Variants in DNTT observed in about 807,000 individuals in gnomAD.
The protein encoded by DNTT is DNA nucleotidylexotransferase.
A neutral mutation model predicts 60.9 loss-of-function variants in DNTT; 47 were observed. The ratio of observed to expected loss-of-function variants is 0.77; its 90% CI spans 0.61 to 0.98. The LOEUF (loss-of-function observed/expected upper bound fraction) is 0.98, where lower values mean the gene tolerates loss of function less well. Among genes scored for constraint, DNTT ranks in the 50% least tolerant of loss-of-function variants. DNTT has a pLI of 0.00. For missense variants in DNTT, 665 were observed against 627.5 expected, an observed-to-expected ratio of 1.06 and a Z score of -0.64; for synonymous variants, 224 against 221.2, an observed-to-expected ratio of 1.01 and a Z score of -0.11.
chr10:96,319,467 T>A (rs1844838286), intron 3 of DNTT, 77 bp downstream of exon 3: 1 of 1,584,776 alleles, frequency 6.3e-7, no homozygotes, highest in Non-Finnish European at 8.6e-7. Context: ...AATTAAATTA[T>A]AAATTTTTCT....
intron 8 of DNTT, among the ~76,000 whole-genome samples, chr10:96,329,695 T>C (rs1844983165): frequency 6.6e-6 from 1 of 152,060 alleles, no homozygotes; most frequent in Non-Finnish European, 1.5e-5. Context: ...TAGAACCAGA[T>C]CCAAACTGAC....
At chr10:96,337,315 C>T (rs1030747386) in intron 10 of DNTT, among the ~76,000 whole-genome samples, 1 of 152,186 alleles carries the variant, frequency 6.6e-6, no homozygotes, top group Admixed American at 6.5e-5. Context: ...CTCTGATTGG[C>T]CAGACTTGGG....
Position 96,332,446 on chromosome 10 carries a change from C to T in DNTT, c.1209C>T (p.Cys403=). 2 of 1,614,136 alleles carry T rather than the reference C, an allele frequency of 1.2e-6. No individual in the cohort carries two copies. The highest frequency in any genetic ancestry group is 2.2e-5 in the South Asian group (2 of 91,074). ...KVDALDHFQK[C]FLIFKLPRQR... is the part of the protein sequence containing the mutation. The stretch of plus-strand genomic sequence containing the variant: ...ATGCTTTGGATCATTTTCAAAAGTG[C>T]TTTCTGATTTTCAAATTGCCTCGTC... The change falls in exon 9 of 11, where the codon TGC becomes TGT. Residue 403 remains cysteine, a synonymous_variant. Coordinates refer to ENST00000371174, the MANE Select transcript of DNTT (RefSeq NM_004088.4).
chr10:96,322,816 T>C, intron 5 of DNTT, 88 bp downstream of exon 5: 41 of 1,070,320 alleles, frequency 3.8e-5, no homozygotes, highest in Non-Finnish European at 4.7e-5. Context: ...CAGCTTGGGC[T>C]GCAATAACAA....
chr10:96,322,086 C>T (rs1032130415), intron 4 of DNTT, among the ~76,000 whole-genome samples: 5 of 152,196 alleles, frequency 3.3e-5, no homozygotes, highest in Non-Finnish European at 5.9e-5. Context: ...AGGGAGAGCG[C>T]CAGAGGTTGT....
intron 10 of DNTT, among the ~76,000 whole-genome samples, chr10:96,337,763 T>C (rs955253760): frequency 1.3e-5 from 2 of 152,192 alleles, no homozygotes; most frequent in African/African-American, 2.4e-5. Flanking sequence ...TGCGTTCAGA[T>C]AGATTGATTA....
rs1197196328 is a variant in DNTT at position 96,307,701 on chromosome 10, G to GTA, written c.203+3002_203+3003insAT. On this transcript the variant is annotated intron_variant, in intron 1 of 10. Transcript: ENST00000371174. ...CATATATATATGTATGTGTGTGTGT[G>GTA]TGTGTATATATATATATATATATAT... Among the ~76,000 whole-genome samples the GTA allele has an allele frequency of 7.0e-3, 592 of 84,956 alleles. 5 individuals carry two copies. The highest frequency in any genetic ancestry group is 0.02 in the African/African-American group (535 of 26,434). 55.7% of individuals were successfully genotyped at this position (84,956 alleles called of 152,430 possible).
At chr10:96,317,602 T>G (rs1407315625) in intron 1 of DNTT, among the ~76,000 whole-genome samples, 1 of 151,316 alleles carries the variant, frequency 6.6e-6, no homozygotes, top group East Asian at 1.9e-4. Context: ...CTTTGGGAGG[T>G]GAGTAGGTTA....
At chr10:96,319,650 T>G (rs565773899) in intron 3 of DNTT, among the ~76,000 whole-genome samples, 1 of 152,320 alleles carries the variant, frequency 6.6e-6, no homozygotes, top group Admixed American at 6.5e-5. Context: ...ATAGTTGTCA[T>G]TAATGGGCGC....
intron 1 of DNTT, among the ~76,000 whole-genome samples, chr10:96,314,884 C>T (rs1452920847): frequency 6.6e-6 from 1 of 152,030 alleles, no homozygotes. Context: ...ACCACTGTAC[C>T]AGCAAATAGA....
intron 8 of DNTT, among the ~76,000 whole-genome samples, chr10:96,329,188 G>T (rs10786277): frequency 0.74 from 112,344 of 152,198 alleles, 44,682 homozygotes; most frequent in East Asian, 0.92. Flanking sequence ...TTGGGTGAGG[G>T]GGCAGGACTG....
intron 10 of DNTT, among the ~76,000 whole-genome samples, chr10:96,337,196 C>T (rs1845083119): frequency 6.6e-6 from 1 of 152,204 alleles, no homozygotes; most frequent in Admixed American, 6.5e-5. Flanking sequence ...ACTCTTCCAG[C>T]TACTTCAACA....
intron 8 of DNTT, among the ~76,000 whole-genome samples, 190 bp from the exon 9 acceptor site, chr10:96,332,161 C>T (rs192403599): frequency 7.2e-5 from 11 of 152,158 alleles, no homozygotes; most frequent in Non-Finnish European, 1.2e-4. Context: ...ATTCCTTTTC[C>T]GTAAAGGGAA....
chr10:96,315,231 CTTCTT>C (rs939183439), intron 1 of DNTT, among the ~76,000 whole-genome samples: 2 of 26,458 alleles, frequency 7.6e-5, no homozygotes, highest in Non-Finnish European at 1.5e-4. Context: ...AAGACCAATG[CTTCTT>C]TTTTTTTTTT....
At chr10:96,334,610 G>A (rs530511310) in intron 9 of DNTT, among the ~76,000 whole-genome samples, 7 of 152,238 alleles carry the variant, frequency 4.6e-5, no homozygotes, top group South Asian at 2.1e-4. Context: ...CTTTGGACTG[G>A]AATTAATTCA....
intron 1 of DNTT, among the ~76,000 whole-genome samples, chr10:96,307,705 G>GTATATATATA (rs1203030676): frequency 1.9e-5 from 1 of 52,878 alleles, no homozygotes; most frequent in African/African-American, 6.6e-5. Context: ...GTGTGTGTGT[G>GTATATATATA]TATATATATA....
intron 1 of DNTT, among the ~76,000 whole-genome samples, chr10:96,305,068 T>C (rs772850531): frequency 6.6e-6 from 1 of 152,220 alleles, no homozygotes; most frequent in Non-Finnish European, 1.5e-5. Context: ...CAAAAAAGTT[T>C]TGGCTACTTT....
chr10:96,319,205 C>T, intron 2 of DNTT, 57 bp from the exon 3 acceptor site: 3 of 1,575,052 alleles, frequency 1.9e-6, no homozygotes, highest in East Asian at 2.2e-5. Flanking sequence ...TTTTTCCGTA[C>T]ATATCTGTTA....
At chr10:96,316,594 C>T (rs1844789423) in intron 1 of DNTT, among the ~76,000 whole-genome samples, 1 of 152,172 alleles carries the variant, frequency 6.6e-6, no homozygotes. Flanking sequence ...TATAAACTCT[C>T]CACTCCAACC....
Sources: allele counts gnomAD v4.1 joint callset (sites outside exome capture counted in the v4.1 genomes callset), GRCh38; gene constraint gnomAD v4.1.1; transcripts MANE v1.5; gene names NCBI Gene and HGNC (gene_info 2026-07-23, HGNC 2026-07-21).